SORCS2: variants seen among roughly 807,000 people sequenced by gnomAD.
SORCS2 encodes VPS10 domain-containing receptor SorCS2.
In SORCS2, 100 loss-of-function variants were observed where a neutral mutation model predicts 141.6. The ratio of observed to expected loss-of-function variants is 0.71; its 90% CI spans 0.60 to 0.83. SORCS2 has a LOEUF of 0.83. Among genes scored for constraint, SORCS2 ranks in the 40% least tolerant of loss-of-function variants. The probability of loss-of-function intolerance (pLI) is 0.00; values close to 1 mark genes in which losing one functional copy is unlikely to be tolerated. For synonymous variants in SORCS2, 789 were observed against 676.9 expected (o/e 1.17, Z -2.57); for missense variants, 1,646 against 1,560.2 (o/e 1.05, Z -0.93).
intron 2 of SORCS2, among the ~76,000 whole-genome samples, chr4:7,443,630 C>T (rs558669877): frequency 7.2e-5 from 11 of 152,308 alleles, no homozygotes; most frequent in South Asian, 2.1e-4. Context: ...CCAGGGTCCA[C>T]GGCATAAGGA....
At chr4:7,486,653 C>G (rs776408678) in intron 2 of SORCS2, among the ~76,000 whole-genome samples, 1 of 152,182 alleles carries the variant, frequency 6.6e-6, no homozygotes, top group Non-Finnish European at 1.5e-5. Flanking sequence ...GCCTGGAAGT[C>G]GGAAATCACG....
intron 2 of SORCS2, among the ~76,000 whole-genome samples, chr4:7,409,859 G>A (rs1048569356): frequency 6.6e-6 from 1 of 152,212 alleles, no homozygotes; most frequent in African/African-American, 2.4e-5. Context: ...TTTTCTGTGG[G>A]TGGGAGTGAA....
At chr4:7,655,711 C>T (rs950531169) in intron 5 of SORCS2, among the ~76,000 whole-genome samples, 3 of 152,246 alleles carry the variant, frequency 2.0e-5, no homozygotes, top group African/African-American at 7.2e-5. Context: ...TCATTGCTGT[C>T]AACTGTCAGC....
At chr4:7,274,936 A>G (rs765411132) in intron 1 of SORCS2, among the ~76,000 whole-genome samples, 19 of 152,174 alleles carry the variant, frequency 1.2e-4, no homozygotes, top group Non-Finnish European at 2.8e-4. Context: ...CCAATGTGGC[A>G]TGCCCACAAC....
intron 1 of SORCS2, among the ~76,000 whole-genome samples, chr4:7,299,149 A>C (rs777344728): frequency 7.9e-5 from 12 of 152,336 alleles, no homozygotes; most frequent in South Asian, 2.1e-4. Flanking sequence ...AGGTGGGATG[A>C]ATAGGGATGC....
At chr4:7,649,891 C>T (rs906051944) in intron 4 of SORCS2, among the ~76,000 whole-genome samples, 3 of 152,128 alleles carry the variant, frequency 2.0e-5, no homozygotes, top group African/African-American at 7.2e-5. Flanking sequence ...GTGACAAGGA[C>T]ACGTGGGAAC....
chr4:7,484,863 C>T (rs868461964), intron 2 of SORCS2, among the ~76,000 whole-genome samples: 17 of 152,240 alleles, frequency 1.1e-4, no homozygotes, highest in Middle Eastern at 3.4e-3. Flanking sequence ...CTCCTCCATG[C>T]GGCCTGTCTC....
intron 3 of SORCS2, among the ~76,000 whole-genome samples, chr4:7,619,490 G>T (rs1719004953): frequency 6.6e-6 from 1 of 152,150 alleles, no homozygotes; most frequent in Non-Finnish European, 1.5e-5. Context: ...CACCTCTTCA[G>T]TCCACACTCA....
At chr4:7,699,836 C>G (rs61550298) in intron 12 of SORCS2, among the ~76,000 whole-genome samples, 1 of 152,220 alleles carries the variant, frequency 6.6e-6, no homozygotes, top group Non-Finnish European at 1.5e-5. Context: ...AGAGAGCTCA[C>G]TCCTTCCTGG....
At chr4:7,361,347 GA>G (rs1721567688) in intron 1 of SORCS2, among the ~76,000 whole-genome samples, 2 of 152,218 alleles carry the variant, frequency 1.3e-5, no homozygotes, top group Admixed American at 1.3e-4. Context: ...ACAAGAAGGA[GA>G]GGGGCAAGGC....
chr4:7,508,314 G>A (rs1489018222), intron 2 of SORCS2, among the ~76,000 whole-genome samples: 5 of 148,730 alleles, frequency 3.4e-5, no homozygotes, highest in African/African-American at 1.2e-4. Flanking sequence ...CCACTTATCT[G>A]TGACAATGGT....
chr4:7,313,987 A>G (rs973214705), intron 1 of SORCS2, among the ~76,000 whole-genome samples: 2 of 152,218 alleles, frequency 1.3e-5, no homozygotes, highest in African/African-American at 4.8e-5. Flanking sequence ...CAGGAGTGAC[A>G]TTCGGGGACA....
chr4:7,633,315 C>T lies in SORCS2; in HGVS notation c.649-5013C>T, dbSNP rs11729483. ...CTGAGGGGTGGGAGGTGAAGCTGGA[C>T]GAGAGGCGGAGCAGGGACCCCCACC... is the stretch of plus-strand genomic sequence containing the variant. On this transcript the variant is annotated intron_variant, in intron 3 of 26. Transcript: ENST00000507866. Among the ~76,000 whole-genome samples, 1,367 of 152,230 alleles carry T rather than the reference C, an allele frequency of 9.0e-3. 11 individuals carry two copies. The highest frequency in any genetic ancestry group is 0.015 in the Non-Finnish European group (990 of 68,018).
chr4:7,674,261 C>A (rs1157460249), intron 8 of SORCS2, among the ~76,000 whole-genome samples: 1 of 152,058 alleles, frequency 6.6e-6, no homozygotes, highest in Non-Finnish European at 1.5e-5. Context: ...TCCTCTCTGC[C>A]TGTGGGCTGC....
intron 10 of SORCS2, among the ~76,000 whole-genome samples, chr4:7,689,071 A>G (rs79329400): frequency 0.019 from 2,845 of 152,240 alleles, 95 homozygotes; most frequent in African/African-American, 0.063. Context: ...CAGGAATCAC[A>G]TCCCATGGCC....
At chr4:7,458,427 G>T (rs1181061837) in intron 2 of SORCS2, among the ~76,000 whole-genome samples, 2 of 152,086 alleles carry the variant, frequency 1.3e-5, no homozygotes, top group South Asian at 2.1e-4. Flanking sequence ...TCCTTTGGGG[G>T]CCCCTGAGCA....
At chr4:7,523,977 C>G (rs754683539) in intron 2 of SORCS2, among the ~76,000 whole-genome samples, 1 of 152,214 alleles carries the variant, frequency 6.6e-6, no homozygotes, top group African/African-American at 2.4e-5. Flanking sequence ...CATTTCTTCA[C>G]TGAAAACCAG....
intron 2 of SORCS2, among the ~76,000 whole-genome samples, chr4:7,427,346 C>T (rs553514576): frequency 6.6e-5 from 10 of 152,146 alleles, no homozygotes; most frequent in Non-Finnish European, 1.2e-4. Flanking sequence ...AGGCCTGGGG[C>T]CTCGGGCAAG....
intron 2 of SORCS2, among the ~76,000 whole-genome samples, chr4:7,529,308 G>T (rs954535838): frequency 3.3e-5 from 5 of 149,670 alleles, no homozygotes; most frequent in Non-Finnish European, 5.9e-5. Context: ...CCCCTACACC[G>T]TTGATTCTTC....
Sources: allele counts gnomAD v4.1 joint callset (sites outside exome capture counted in the v4.1 genomes callset), GRCh38; gene constraint gnomAD v4.1.1; transcripts MANE v1.5; gene names NCBI Gene and HGNC (gene_info 2026-07-23, HGNC 2026-07-21).